The following BLTP3B variants were observed in gnomAD, a reference collection of about 807,000 sequenced individuals.
BLTP3B encodes the protein bridge-like lipid transfer protein family member 3B.
chr12:100,039,781 T>A, the BLTP3B span: 1 of 1,609,566 alleles, frequency 6.2e-7, no homozygotes, highest in Non-Finnish European at 8.5e-7. Context: ...GTGTTAAGCA[T>A]GTGAGAATCT....
chr12:100,052,681 A>C, the BLTP3B span, among the ~76,000 whole-genome samples: 1 of 152,100 alleles, frequency 6.6e-6, no homozygotes, highest in Non-Finnish European at 1.5e-5. Flanking sequence ...GAGCATTGTC[A>C]GTAATGTTAA....
the BLTP3B span, among the ~76,000 whole-genome samples, chr12:100,061,313 G>A: frequency 6.6e-6 from 1 of 152,124 alleles, no homozygotes; most frequent in East Asian, 1.9e-4. Flanking sequence ...AAAGAACCCC[G>A]ATAGCAGATG....
the BLTP3B span, among the ~76,000 whole-genome samples, chr12:100,130,993 GAGAGA>G: frequency 7.0e-5 from 5 of 71,026 alleles, no homozygotes; most frequent in African/African-American, 3.0e-4. Flanking sequence ...GAGAGAGAGA[GAGAGA>G]GAGAGAGAGA....
At chr12:100,095,729 G>C in the BLTP3B span, 1 of 1,613,538 alleles carries the variant, frequency 6.2e-7, no homozygotes. Context: ...GCTTCACTAA[G>C]AGACTTTGCA....
the BLTP3B span, among the ~76,000 whole-genome samples, chr12:100,132,596 T>C: frequency 6.6e-6 from 1 of 152,218 alleles, no homozygotes; most frequent in Non-Finnish European, 1.5e-5. Context: ...CACCATGCCC[T>C]TGAACTTCTC....
At chr12:100,043,393 G>GT in the BLTP3B span, among the ~76,000 whole-genome samples, 2 of 152,190 alleles carry the variant, frequency 1.3e-5, no homozygotes, top group African/African-American at 4.8e-5. Flanking sequence ...ATCAATGAAT[G>GT]TAAGAGTTTA....
At chr12:100,128,932 TTAC>T in the BLTP3B span, among the ~76,000 whole-genome samples, 2 of 152,324 alleles carry the variant, frequency 1.3e-5, no homozygotes, top group Non-Finnish European at 2.9e-5. Flanking sequence ...TCTGTCACTG[TTAC>T]TACTACTCCC....
At chr12:100,077,512 C>A in the BLTP3B span, among the ~76,000 whole-genome samples, 1 of 152,194 alleles carries the variant, frequency 6.6e-6, no homozygotes, top group Admixed American at 6.5e-5. Flanking sequence ...AACTGACCAG[C>A]ACATTGTAGG....
the BLTP3B span, among the ~76,000 whole-genome samples, chr12:100,043,580 C>T: frequency 2.6e-5 from 4 of 152,128 alleles, no homozygotes; most frequent in African/African-American, 9.7e-5. Flanking sequence ...TCATGTTTAT[C>T]CCATTTTCTT....
the BLTP3B span, among the ~76,000 whole-genome samples, chr12:100,072,471 C>T: frequency 1.3e-5 from 2 of 152,040 alleles, no homozygotes; most frequent in Non-Finnish European, 2.9e-5. Context: ...CTTTGGGAGG[C>T]CAAGGCAGGA....
chr12:100,057,834 T>C, the BLTP3B span: 1 of 1,322,898 alleles, frequency 7.6e-7, no homozygotes, highest in South Asian at 1.4e-5. Context: ...AATATGTATA[T>C]AGCATCCATA....
chr12:100,057,248 A>G, the BLTP3B span, among the ~76,000 whole-genome samples: 1 of 152,216 alleles, frequency 6.6e-6, no homozygotes, highest in Non-Finnish European at 1.5e-5. Flanking sequence ...TCAGCCATAG[A>G]GAGGCAGGAG....
At chr12:100,084,388 A>T in the BLTP3B span, 1 of 452,540 alleles carries the variant, frequency 2.2e-6, no homozygotes, top group South Asian at 4.1e-5. Flanking sequence ...TCACACACAC[A>T]CACACACACA....
At chr12:100,040,841 C>T in the BLTP3B span, among the ~76,000 whole-genome samples, 56 of 152,258 alleles carry the variant, frequency 3.7e-4, no homozygotes, top group African/African-American at 1.3e-3. Flanking sequence ...AAACTACCCA[C>T]AAAGAAAAGC....
chr12:100,059,380 A>C, the BLTP3B span: 3 of 1,614,034 alleles, frequency 1.9e-6, no homozygotes, highest in South Asian at 2.2e-5. Flanking sequence ...AAAAAATCAC[A>C]ATCTTTAAAG....
the BLTP3B span, among the ~76,000 whole-genome samples, chr12:100,066,401 G>A: frequency 6.6e-6 from 1 of 151,916 alleles, no homozygotes; most frequent in Admixed American, 6.6e-5. Flanking sequence ...TAAGAAATGA[G>A]ATAGATAGCA....
At chr12:100,097,355 G>A in the BLTP3B span, 1 of 1,605,156 alleles carries the variant, frequency 6.2e-7, no homozygotes, top group Non-Finnish European at 8.5e-7. Context: ...ATGTAATCTT[G>A]TTGACTCACC....
the BLTP3B span, among the ~76,000 whole-genome samples, chr12:100,060,506 G>T: frequency 1.3e-5 from 2 of 152,112 alleles, no homozygotes; most frequent in Non-Finnish European, 1.5e-5. Flanking sequence ...TCTAAAATGA[G>T]AGAGCTAAGT....
chr12:100,094,594 C>G, the BLTP3B span, among the ~76,000 whole-genome samples: 2 of 152,206 alleles, frequency 1.3e-5, no homozygotes, highest in Non-Finnish European at 2.9e-5. Context: ...TGGTGGCTCA[C>G]ACCTGTAATC....
Sources: allele counts gnomAD v4.1 joint callset (sites outside exome capture counted in the v4.1 genomes callset), GRCh38; gene constraint gnomAD v4.1.1; transcripts MANE v1.5; gene names NCBI Gene and HGNC (gene_info 2026-07-23, HGNC 2026-07-21).